The following DIAPH3 variants were observed in gnomAD, a reference collection of about 807,000 sequenced individuals.
DIAPH3 encodes diaphanous related formin 3.
A neutral mutation model predicts 144.3 loss-of-function variants in DIAPH3; 117 were observed. The observed-to-expected ratio is 0.81, with a 90% confidence interval of 0.70 to 0.95. The LOEUF is 0.95. Ranked by LOEUF, DIAPH3 falls within the 40% of genes least tolerant of loss-of-function variation. The pLI, the probability that DIAPH3 is intolerant of heterozygous loss-of-function variation, is 0.00. For synonymous variants in DIAPH3, 519 were observed against 488.9 expected (o/e 1.06, Z -0.81); for missense variants, 1,421 against 1,412.7 (o/e 1.01, Z -0.09).
chr13:59,759,582 T>G (rs1002011710), intron 27 of DIAPH3, among the ~76,000 whole-genome samples: 1 of 151,978 alleles, frequency 6.6e-6, no homozygotes. Context: ...GATCAGTAAA[T>G]GAAGAGAAAG....
chr13:60,095,377 T>C (rs1197395626), intron 3 of DIAPH3, among the ~76,000 whole-genome samples: 1 of 152,210 alleles, frequency 6.6e-6, no homozygotes, highest in Non-Finnish European at 1.5e-5. Flanking sequence ...GTATGGGCTC[T>C]TGGCAATTGT....
chr13:59,816,803 T>C (rs898659054), intron 24 of DIAPH3, among the ~76,000 whole-genome samples: 4 of 151,878 alleles, frequency 2.6e-5, no homozygotes, highest in South Asian at 2.1e-4. Flanking sequence ...ATCACGGTAA[T>C]TGGAATATCC....
At chr13:59,762,050 A>ATTTTTTT (rs1566273881) in intron 27 of DIAPH3, among the ~76,000 whole-genome samples, 1 of 118,990 alleles carries the variant, frequency 8.4e-6, no homozygotes, top group East Asian at 2.7e-4. Context: ...AAGCGTCAGC[A>ATTTTTTT]TCTTTTTTTT....
At chr13:59,957,896 C>T (rs1177107265) in intron 17 of DIAPH3, among the ~76,000 whole-genome samples, 1 of 152,046 alleles carries the variant, frequency 6.6e-6, no homozygotes, top group Non-Finnish European at 1.5e-5. Context: ...AACAGAAAGC[C>T]AAACTGTCCC....
chr13:59,899,911 T>C (rs1014327207), intron 20 of DIAPH3, among the ~76,000 whole-genome samples: 10 of 152,188 alleles, frequency 6.6e-5, no homozygotes, highest in African/African-American at 1.2e-4. Context: ...CTCAAGGAAA[T>C]AGCATATTAT....
At chr13:59,797,079 T>C (rs985527392) in intron 25 of DIAPH3, among the ~76,000 whole-genome samples, 2 of 152,054 alleles carry the variant, frequency 1.3e-5, no homozygotes, top group Admixed American at 6.6e-5. Context: ...ACACCACTAT[T>C]AACAGAGAAT....
At chr13:59,701,131 T>C (rs977995072) in intron 27 of DIAPH3, among the ~76,000 whole-genome samples, 3 of 152,216 alleles carry the variant, frequency 2.0e-5, no homozygotes, top group Non-Finnish European at 4.4e-5. Flanking sequence ...AAATTACACA[T>C]TTAGAAATTG....
At chr13:60,109,259 G>C (rs116916397) in intron 3 of DIAPH3, among the ~76,000 whole-genome samples, 1,856 of 152,290 alleles carry the variant, frequency 0.012, 19 homozygotes, top group Middle Eastern at 0.034. Flanking sequence ...CACAGAACCA[G>C]TCAAGCCGAC....
intron 27 of DIAPH3, among the ~76,000 whole-genome samples, chr13:59,712,582 C>T (rs373315614): frequency 6.6e-6 from 1 of 152,218 alleles, no homozygotes; most frequent in South Asian, 2.1e-4. Context: ...GGCTCCCACA[C>T]ATATCTTATG....
intron 27 of DIAPH3, among the ~76,000 whole-genome samples, chr13:59,729,356 T>C (rs1381093497): frequency 6.6e-6 from 1 of 151,894 alleles, no homozygotes; most frequent in East Asian, 1.9e-4. Context: ...GAGATAAGAG[T>C]TGGAATAATG....
Position 60,042,603 on chromosome 13 carries a change from G to A in DIAPH3, c.626+87C>T, listed in dbSNP as rs986387074. The A allele has an allele frequency of 3.9e-6, 6 of 1,533,804 alleles. No homozygotes were observed. The Admixed American group carries it at 6.9e-5, about 18-fold the overall frequency. On this transcript the variant is annotated intron_variant, in intron 5 of 27. Transcript: ENST00000400324. The stretch of plus-strand genomic sequence containing the variant: ...GTTTGTACTTTGAGAAACTGTTGAG[G>A]TTTACCAGGCAAAATGAAAAAAAGT...
intron 25 of DIAPH3, among the ~76,000 whole-genome samples, chr13:59,792,634 A>C (rs536253704): frequency 6.6e-6 from 1 of 152,066 alleles, no homozygotes; most frequent in Non-Finnish European, 1.5e-5. Context: ...TTTCTGACCC[A>C]TGTCCTTTTC....
chr13:59,894,524 AG>A (rs1455234418), intron 20 of DIAPH3, among the ~76,000 whole-genome samples: 3 of 151,296 alleles, frequency 2.0e-5, no homozygotes, highest in Non-Finnish European at 2.9e-5. Flanking sequence ...AGTCCTTCCC[AG>A]GAGAAAAAAA....
In DIAPH3 at chr13:59,833,193, T is replaced by C; in HGVS notation, c.2941A>G (p.Ile981Val). The C allele has an allele frequency of 6.2e-7, 1 of 1,610,530 alleles. No homozygotes were observed. The highest frequency in any genetic ancestry group is 1.3e-5 in the African/African-American group (1 of 74,902). The part of the protein sequence containing the change: ...HENMEKLYQS[I>V]IGYYAIDVKK... Reference sequence around the variant, plus strand: ...ACATCAATGGCATAGTATCCTATTATACTCTGGTATAACTTTTCCATGTTT... The same window carrying C: ...ACATCAATGGCATAGTATCCTATTACACTCTGGTATAACTTTTCCATGTTT... The change falls in exon 24 of 28, where the codon ATA becomes GTA. Residue 981 changes from isoleucine (I) to valine (V), a missense_variant. Ile to Val is a conservative substitution (Grantham distance 29). Transcript: ENST00000400324.
At chr13:60,145,603 C>T (rs1034646260) in intron 1 of DIAPH3, among the ~76,000 whole-genome samples, 1 of 152,204 alleles carries the variant, frequency 6.6e-6, no homozygotes, top group Non-Finnish European at 1.5e-5. Flanking sequence ...GAGCTGAGAT[C>T]GTGCCACTGC....
chr13:59,795,239 ATTATAT>A (rs147428847), intron 25 of DIAPH3, among the ~76,000 whole-genome samples: 11,497 of 152,184 alleles, frequency 0.076, 549 homozygotes, highest in South Asian at 0.18. Context: ...GCTCTGGGTT[ATTATAT>A]TTATATTTCT....
chr13:59,693,016 G>T (rs908269067), intron 27 of DIAPH3, among the ~76,000 whole-genome samples: 3 of 152,186 alleles, frequency 2.0e-5, no homozygotes, highest in Admixed American at 6.5e-5. Context: ...AATTATGAAT[G>T]TAACAAGGGA....
intron 27 of DIAPH3, among the ~76,000 whole-genome samples, chr13:59,731,412 T>C (rs974689596): frequency 1.1e-4 from 17 of 152,196 alleles, no homozygotes; most frequent in African/African-American, 3.9e-4. Context: ...CTGATTAATG[T>C]TCTATAAAGT....
intron 15 of DIAPH3, among the ~76,000 whole-genome samples, chr13:59,974,022 T>A (rs1158346717): frequency 1.3e-5 from 2 of 152,124 alleles, no homozygotes; most frequent in Non-Finnish European, 2.9e-5. Flanking sequence ...TGAGCAATAA[T>A]TTCTTGTAGT....
Sources: allele counts gnomAD v4.1 joint callset (sites outside exome capture counted in the v4.1 genomes callset), GRCh38; gene constraint gnomAD v4.1.1; transcripts MANE v1.5; gene names NCBI Gene and HGNC (gene_info 2026-07-23, HGNC 2026-07-21).